The following CD5L variants were observed in gnomAD, a reference collection of about 807,000 sequenced individuals.
The protein encoded by CD5L is CD5 antigen-like.
In CD5L, 39 loss-of-function variants were observed where a neutral mutation model predicts 40.8. The observed-to-expected ratio is 0.96, with a 90% confidence interval of 0.74 to 1.25. The LOEUF is 1.25. CD5L is among the 50% of genes most tolerant of loss of function. CD5L has a pLI of 0.00. For synonymous variants in CD5L, 192 were observed against 169.6 expected, an observed-to-expected ratio of 1.13 and a Z score of -1.03; for missense variants, 433 against 435.9, an observed-to-expected ratio of 0.99 and a Z score of 0.06.
chr1:157,832,637 A>G (rs1656079638), intron 5 of CD5L, among the ~76,000 whole-genome samples: 1 of 152,152 alleles, frequency 6.6e-6, no homozygotes, highest in African/African-American at 2.4e-5. Flanking sequence ...GGGCATTCTC[A>G]AAAAGCTCCC....
At chr1:157,829,603 A>C (rs1388651206), downstream of CD5L, among the ~76,000 whole-genome samples, 2 of 152,246 alleles carry the variant, frequency 1.3e-5, no homozygotes, top group Non-Finnish European at 2.9e-5. Context: ...TTATCTTTTC[A>C]GATCCATAAA....
intron 5 of CD5L, among the ~76,000 whole-genome samples, chr1:157,832,467 T>C (rs559659858): frequency 6.6e-6 from 1 of 152,298 alleles, no homozygotes; most frequent in South Asian, 2.1e-4. Context: ...CCACATTGAT[T>C]ACACAATGGG....
intron 3 of CD5L, 80 bp downstream of exon 3, chr1:157,835,755 G>T: frequency 8.6e-7 from 1 of 1,164,516 alleles, no homozygotes; most frequent in South Asian, 1.4e-5. Context: ...GAACGTCTAT[G>T]GTAGGGAATG....
Position 157,841,660 on chromosome 1 carries a change from G to A in CD5L, c.28+14C>T, listed in dbSNP as rs781223824. ...AACTCTGAAGCCTAAACCAACAGGTGCAGAGATACTCACCAAGGATCAAGG... is the reference window on the plus strand; with the variant it reads ...AACTCTGAAGCCTAAACCAACAGGTACAGAGATACTCACCAAGGATCAAGG... On this transcript the variant is annotated intron_variant, in intron 1 of 5. Coordinates refer to ENST00000368174, the MANE Select transcript of CD5L (RefSeq NM_005894.3). 1.2e-6 allele frequency: 2 copies of A among 1,612,094 alleles called. No individual in the cohort carries two copies. Among genetic ancestry groups the A allele is most frequent in the African/African-American group, 2.7e-5 (2 of 74,894 alleles).
intron 3 of CD5L, 115 bp downstream of exon 3, chr1:157,835,720 G>A: frequency 1.2e-6 from 1 of 800,802 alleles, no homozygotes; most frequent in Non-Finnish European, 2.0e-6. Context: ...GATGTGGGGG[G>A]TGAGGGGCCA....
At position 157,831,911 on chromosome 1, in the gene CD5L, A is replaced by G; in HGVS notation, c.*53T>C. 1 of 1,547,172 alleles carries G rather than the reference A, an allele frequency of 6.5e-7. No individual in the cohort carries two copies. The highest frequency in any genetic ancestry group is 8.7e-7 in the Non-Finnish European group (1 of 1,153,206). ...ATGAGGATAATCAGGGCTCAGGAGA[A>G]CAAGCAGAGGGCAGGCGGGGCCAGG... On this transcript the variant is annotated 3_prime_UTR_variant, in exon 6 of 6. Transcript: ENST00000368174.
intron 1 of CD5L, 30 bp downstream of exon 1, chr1:157,841,644 G>T: frequency 6.2e-7 from 1 of 1,607,752 alleles, no homozygotes; most frequent in South Asian, 1.1e-5. Context: ...AAACTCTGAA[G>T]CCTAAACCAA....
intron 5 of CD5L, among the ~76,000 whole-genome samples, chr1:157,832,909 A>G (rs1433517924): frequency 2.6e-5 from 4 of 152,184 alleles, no homozygotes; most frequent in African/African-American, 9.7e-5. Context: ...TTGGTGAAAT[A>G]ATTTTCAGAA....
chr1:157,832,776 G>A (rs1656082842), intron 5 of CD5L, among the ~76,000 whole-genome samples: 1 of 152,198 alleles, frequency 6.6e-6, no homozygotes, highest in African/African-American at 2.4e-5. Context: ...ATAACCTTGG[G>A]TTGAGAGTAA....
chr1:157,834,486 T>G lies in CD5L; in HGVS notation c.639A>C (p.Ala213=). Residue 213 remains alanine, a synonymous_variant, in exon 4 of 6, where the codon GCA becomes GCC. Transcript: ENST00000368174. The part of the protein sequence containing the change: ...LSQMSCSGRE[A]TLQDCPSGPW... ...GCCCAGAAGGGCAATCCTGAAGGGTTGCTTCTCGTCCTGAGCATGACATCT... is the reference window on the plus strand; with the variant it reads ...GCCCAGAAGGGCAATCCTGAAGGGTGGCTTCTCGTCCTGAGCATGACATCT... 6.2e-7 allele frequency: 1 copy of G among 1,614,230 alleles called. No homozygotes were observed. Among genetic ancestry groups the G allele is most frequent in the African/African-American group, 1.3e-5 (1 of 75,054 alleles).
chr1:157,827,290 G>A (rs953060154), downstream of CD5L, among the ~76,000 whole-genome samples: 13 of 151,762 alleles, frequency 8.6e-5, no homozygotes, highest in South Asian at 4.2e-4. Context: ...GTGTGTGTGT[G>A]TGTGTGTGTG....
chr1:157,827,749 A>G (rs1655941933), downstream of CD5L, among the ~76,000 whole-genome samples: 1 of 152,220 alleles, frequency 6.6e-6, no homozygotes, highest in Non-Finnish European at 1.5e-5. Flanking sequence ...GACTCAGTGA[A>G]ATTAACATAT....
downstream of CD5L, chr1:157,830,887 A>G: frequency 1.1e-6 from 1 of 924,938 alleles, no homozygotes; most frequent in South Asian, 5.0e-5. Context: ...GTGGGCAGAA[A>G]GAGCATATCA....
Position 157,833,174 on chromosome 1 carries a change from T to A in CD5L, c.1039+18A>T, listed in dbSNP as rs1474145533. The A allele has an allele frequency of 6.3e-7, 1 of 1,586,060 alleles. No homozygotes were observed. Among genetic ancestry groups the A allele is most frequent in the Non-Finnish European group, 8.6e-7 (1 of 1,158,444 alleles). On this transcript the variant is annotated intron_variant, in intron 5 of 5. Transcript: ENST00000368174. The stretch of plus-strand genomic sequence containing the variant: ...ATCCTCCTTGCCAGCCCTTATGAAC[T>A]CCATCTGTAGGACTCACCTGAGCAG...
chr1:157,835,709 A>C, intron 3 of CD5L, 126 bp downstream of exon 3: 1 of 726,014 alleles, frequency 1.4e-6, no homozygotes, highest in South Asian at 1.7e-5. Flanking sequence ...GGAAAGTATG[A>C]GATGTGGGGG....
rs1333813453 is a variant in CD5L at position 157,831,182 on chromosome 1, C to T, written c.*782G>A. On this transcript the variant is annotated 3_prime_UTR_variant, in exon 6 of 6. Coordinates refer to ENST00000368174, the MANE Select transcript of CD5L (RefSeq NM_005894.3). The stretch of plus-strand genomic sequence containing the variant: ...TCTTTCTTGACCTTTTCCCAGTAAC[C>T]AATATATTTTTCTTTGAATAAAGTA... The T allele has an allele frequency of 2.0e-6, 2 of 984,996 alleles. No homozygotes were observed. Among genetic ancestry groups the T allele is most frequent in the Non-Finnish European group, 2.4e-6 (2 of 829,694 alleles). The allele number at this position is 984,996 out of a possible 1,614,324, so 61.0% of individuals were successfully genotyped here.
chr1:157,835,134 G>C (rs1251381346), intron 3 of CD5L, among the ~76,000 whole-genome samples: 4 of 152,096 alleles, frequency 2.6e-5, no homozygotes, highest in African/African-American at 9.7e-5. Context: ...TCAGATTAGT[G>C]CTCCCAACCC....
At position 157,831,875 on chromosome 1, in the gene CD5L, C is replaced by G; in HGVS notation, c.*89G>C. On this transcript the variant is annotated 3_prime_UTR_variant, in exon 6 of 6. Transcript: ENST00000368174. ...GGGAGTAGTGGCTCAAGCCTGAGCC[C>G]CAGAATGAGTATGAGGATAATCAGG... is the stretch of plus-strand genomic sequence containing the variant. 1 of 1,487,860 alleles carries G rather than the reference C, an allele frequency of 6.7e-7. No individual in the cohort carries two copies. The highest frequency in any genetic ancestry group is 8.9e-7 in the Non-Finnish European group (1 of 1,124,512). The allele number at this position is 1,487,860 out of a possible 1,614,324, so 92.2% of individuals were successfully genotyped here. A position where few individuals can be genotyped will look rare whatever the true frequency, so the allele number is the denominator to read the frequency against.
downstream of CD5L, among the ~76,000 whole-genome samples, chr1:157,830,245 T>C (rs1444206439): frequency 6.6e-6 from 1 of 152,194 alleles, no homozygotes; most frequent in African/African-American, 2.4e-5. Context: ...CTAAACCTAA[T>C]GAATGGACAA....
Sources: gnomAD v4.1 joint callset for allele counts (sites outside exome capture counted in the v4.1 genomes callset) on GRCh38, gnomAD v4.1.1 for gene constraint, MANE v1.5 for transcripts, NCBI Gene and HGNC (gene_info 2026-07-23, HGNC 2026-07-21) for gene names.